SENP2: variants seen among roughly 807,000 people sequenced by gnomAD.
SENP2 encodes the protein sentrin-specific protease 2.
A neutral mutation model predicts 86.3 loss-of-function variants in SENP2; 16 were observed. The observed-to-expected ratio is 0.19, with a 90% confidence interval of 0.13 to 0.28. The LOEUF is 0.28. SENP2 is among the 10% of genes least tolerant of loss of function. The pLI is 1.00. For missense variants in SENP2, 552 were observed against 703.0 expected, an observed-to-expected ratio of 0.79 and a Z score of 2.43; for synonymous variants, 222 against 238.7, an observed-to-expected ratio of 0.93 and a Z score of 0.64.
At position 185,623,695 on chromosome 3, in the gene SENP2, C is replaced by T. The variant is rs1018878915; in HGVS notation, c.1527-303C>T. 2.3e-4 allele frequency among the ~76,000 whole-genome samples: 35 copies of T among 151,734 alleles called. 1 individual carries two copies. The highest frequency in any genetic ancestry group is 5.9e-5 in the Non-Finnish European group (4 of 67,950). On this transcript the variant is annotated intron_variant, in intron 14 of 16. Coordinates refer to ENST00000296257, the MANE Select transcript of SENP2 (RefSeq NM_021627.3). ...ACAAAAAATTAGCAGGGCGTGGTGG[C>T]GTGCTCCTGTGGTCCCAGCTACTTG...
chr3:185,621,202 GGAAA>G (rs1338290611), intron 13 of SENP2, among the ~76,000 whole-genome samples: 11 of 111,186 alleles, frequency 9.9e-5, no homozygotes, highest in Non-Finnish European at 2.1e-4. Context: ...AAGAAAAGAA[GGAAA>G]GAAAGATACA....
chr3:185,620,691 C>T (rs1711816016), intron 13 of SENP2, among the ~76,000 whole-genome samples: 1 of 151,274 alleles, frequency 6.6e-6, no homozygotes, highest in African/African-American at 2.4e-5. Flanking sequence ...TGATCCGCCA[C>T]CTCAGCCTCC....
At chr3:185,601,208 C>T (rs1351188131) in intron 5 of SENP2, among the ~76,000 whole-genome samples, 1 of 151,862 alleles carries the variant, frequency 6.6e-6, no homozygotes, top group African/African-American at 2.4e-5. Flanking sequence ...CCATGCCCGG[C>T]TAATTTTTGT....
chr3:185,623,881 A>G (rs1712012395), intron 14 of SENP2, 117 bp from the exon 15 acceptor site: 2 of 473,670 alleles, frequency 4.2e-6, no homozygotes, highest in Admixed American at 4.1e-5. Context: ...TTAAAAAGCT[A>G]ATGAATATGG....
intron 7 of SENP2, 97 bp downstream of exon 7, chr3:185,609,447 G>A (rs1722615132): frequency 1.2e-6 from 1 of 826,730 alleles, no homozygotes; most frequent in South Asian, 1.6e-5. Flanking sequence ...GAAAGAAGAG[G>A]TTAACCCTGA....
chr3:185,611,233 C>T (rs1439880254), intron 7 of SENP2, among the ~76,000 whole-genome samples: 1 of 152,026 alleles, frequency 6.6e-6, no homozygotes, highest in Non-Finnish European at 1.5e-5. Flanking sequence ...GCCATGATCA[C>T]ACCACTGCAC....
intron 1 of SENP2, among the ~76,000 whole-genome samples, chr3:185,587,158 A>C (rs1307676146): frequency 1.3e-5 from 2 of 152,136 alleles, no homozygotes; most frequent in Admixed American, 1.3e-4. Flanking sequence ...GTTGAGACGG[A>C]GTCTTGCTCT....
At chr3:185,587,635 C>T (rs1322136717) in intron 1 of SENP2, among the ~76,000 whole-genome samples, 5 of 141,506 alleles carry the variant, frequency 3.5e-5, no homozygotes, top group African/African-American at 1.1e-4. Context: ...GGCGCAATCT[C>T]GGCTCACTGC....
At chr3:185,628,942 C>T (rs1712282394) in intron 16 of SENP2, among the ~76,000 whole-genome samples, 1 of 152,084 alleles carries the variant, frequency 6.6e-6, no homozygotes, top group Admixed American at 6.6e-5. Flanking sequence ...TTAAGCAAAA[C>T]ATCTCATTGT....
At chr3:185,625,502 C>T (rs560774367) in intron 15 of SENP2, among the ~76,000 whole-genome samples, 6 of 152,040 alleles carry the variant, frequency 3.9e-5, no homozygotes, top group East Asian at 1.9e-4. Flanking sequence ...CAATAACTTG[C>T]GCTAATTGTG....
Position 185,613,331 on chromosome 3 carries a change from A to AT in SENP2, c.870-7dup, listed in dbSNP as rs1473541201. On this transcript the variant is annotated splice_polypyrimidine_tract_variant and intron_variant, in intron 9 of 16. Coordinates refer to ENST00000296257, the MANE Select transcript of SENP2 (RefSeq NM_021627.3). ...TCTAGCAGAAGTCTATCATCTCTCA[A>AT]TTTTTTTCCTTAGGTGTTCAAAGGG... The AT allele has an allele frequency of 1.3e-6, 2 of 1,497,774 alleles. No individual in the cohort carries two copies. The highest frequency in any genetic ancestry group is 1.9e-6 in the Non-Finnish European group (2 of 1,080,254). 92.8% of individuals were successfully genotyped at this position (1,497,774 alleles called of 1,614,324 possible).
At chr3:185,600,695 T>C in intron 4 of SENP2, 70 bp from the exon 5 acceptor site, 1 of 1,010,092 alleles carries the variant, frequency 9.9e-7, no homozygotes, top group Non-Finnish European at 1.5e-6. Context: ...ACAGATTTTT[T>C]TTCTTTCCTT....
Position 185,590,180 on chromosome 3 carries a change from T to C in SENP2, c.157+11T>C. ...AAAGACCAAGATTAGGTACTGAATA[T>C]AAATTTTAAAAATTTTTAGTTTTTA... On this transcript the variant is annotated intron_variant, in intron 2 of 16. Coordinates refer to ENST00000296257, the MANE Select transcript of SENP2 (RefSeq NM_021627.3). The C allele has an allele frequency of 6.7e-7, 1 of 1,481,540 alleles. No homozygotes were observed. Among genetic ancestry groups the C allele is most frequent in the African/African-American group, 1.4e-5 (1 of 70,296 alleles). The allele number at this position is 1,481,540 out of a possible 1,614,324, so 91.8% of individuals were successfully genotyped here. A position where few individuals can be genotyped will look rare whatever the true frequency, so the allele number is the denominator to read the frequency against.
chr3:185,627,790 G>T (rs1250442653), intron 16 of SENP2, among the ~76,000 whole-genome samples: 2 of 152,190 alleles, frequency 1.3e-5, no homozygotes, highest in African/African-American at 4.8e-5. Context: ...TTGAGAATTT[G>T]TAACAGTGGA....
intron 1 of SENP2, among the ~76,000 whole-genome samples, chr3:185,587,668 G>A (rs1299291139): frequency 6.9e-6 from 1 of 144,614 alleles, no homozygotes; most frequent in African/African-American, 2.6e-5. Flanking sequence ...CGGGAGTCAC[G>A]CCATTCTCCT....
At chr3:185,611,403 G>A in intron 7 of SENP2, 1 of 356,116 alleles carries the variant, frequency 2.8e-6, no homozygotes, top group Non-Finnish European at 5.1e-6. Flanking sequence ...TGCATCACTG[G>A]GGATTCAGAA....
At chr3:185,600,089 G>A (rs1423636989) in intron 4 of SENP2, among the ~76,000 whole-genome samples, 7 of 152,120 alleles carry the variant, frequency 4.6e-5, no homozygotes, top group South Asian at 2.1e-4. Context: ...GAGCCACTGC[G>A]CCCAGCCCAA....
intron 7 of SENP2, among the ~76,000 whole-genome samples, chr3:185,610,094 G>A (rs1394714986): frequency 2.0e-5 from 3 of 151,768 alleles, no homozygotes; most frequent in Non-Finnish European, 2.9e-5. Context: ...GAAAACACAG[G>A]GATCCCAGAA....
chr3:185,613,585 C>T (rs757709617), intron 10 of SENP2, 177 bp downstream of exon 10: 1 of 413,784 alleles, frequency 2.4e-6, no homozygotes, highest in East Asian at 4.4e-5. Flanking sequence ...AATCCCAGAA[C>T]TTTAGGAGGC....
Sources: gnomAD v4.1 joint callset for allele counts (sites outside exome capture counted in the v4.1 genomes callset) on GRCh38, gnomAD v4.1.1 for gene constraint, MANE v1.5 for transcripts, NCBI Gene and HGNC (gene_info 2026-07-23, HGNC 2026-07-21) for gene names.